ZFAND3: variants seen among roughly 807,000 people sequenced by gnomAD.
ZFAND3 encodes the protein AN1-type zinc finger protein 3.
In ZFAND3, 10 loss-of-function variants were observed where a neutral mutation model predicts 29.6. That is an observed-to-expected ratio of 0.34 (90% CI 0.21 to 0.57). The LOEUF is 0.57. ZFAND3 is among the 20% of genes least tolerant of loss of function. ZFAND3 has a pLI of 0.86. For missense variants in ZFAND3, 230 were observed against 304.5 expected (o/e 0.76, Z 1.82); for synonymous variants, 128 against 112.6 (o/e 1.14, Z -0.87).
chr6:37,874,324 TGA>T (rs1334110981), intron 1 of ZFAND3, among the ~76,000 whole-genome samples: 5 of 152,204 alleles, frequency 3.3e-5, no homozygotes, highest in Non-Finnish European at 7.4e-5. Context: ...GAGAACAGCC[TGA>T]TCAACACGGA....
At chr6:38,079,173 A>G (rs1166321675) in intron 3 of ZFAND3, among the ~76,000 whole-genome samples, 1 of 152,174 alleles carries the variant, frequency 6.6e-6, no homozygotes, top group Non-Finnish European at 1.5e-5. Context: ...AGTGTTTCAT[A>G]GGTTGTAGTT....
In ZFAND3 at chr6:38,047,968, TTTTTG is replaced by T. The variant is rs1450178174; in HGVS notation, c.113-13620_113-13616del. 1.7e-3 allele frequency among the ~76,000 whole-genome samples: 224 copies of T among 131,830 alleles called. 1 individual carries two copies. The highest frequency in any genetic ancestry group is 5.5e-3 in the African/African-American group (207 of 37,882). The allele number at this position is 131,830 out of a possible 152,430, so 86.5% of individuals were successfully genotyped here. A position where few individuals can be genotyped will look rare whatever the true frequency, so the allele number is the denominator to read the frequency against. On this transcript the variant is annotated intron_variant, in intron 2 of 5. Coordinates refer to ENST00000287218, the MANE Select transcript of ZFAND3 (RefSeq NM_021943.3). ...GTTCCAGACCTAGGTTTTTGGGTTT[TTTTTG>T]TTTTTTTTTTTTTTACTTTTTGTGT...
chr6:38,121,234 G>A (rs1445442318), intron 5 of ZFAND3, among the ~76,000 whole-genome samples: 2 of 152,210 alleles, frequency 1.3e-5, no homozygotes, highest in Non-Finnish European at 2.9e-5. Context: ...ATTATTGCCA[G>A]GCAAGATGGT....
At chr6:37,842,556 T>C (rs938490130) in intron 1 of ZFAND3, among the ~76,000 whole-genome samples, 6 of 152,222 alleles carry the variant, frequency 3.9e-5, no homozygotes, top group East Asian at 1.9e-4. Flanking sequence ...CCAGTTTCTC[T>C]ATTCTCCTGT....
At chr6:38,143,971 C>G (rs1313090318) in intron 5 of ZFAND3, among the ~76,000 whole-genome samples, 1 of 151,764 alleles carries the variant, frequency 6.6e-6, no homozygotes, top group South Asian at 2.1e-4. Context: ...CATTTCTGTG[C>G]TACAAATTCT....
chr6:38,129,220 A>G (rs1765696348), intron 5 of ZFAND3, among the ~76,000 whole-genome samples: 1 of 152,140 alleles, frequency 6.6e-6, no homozygotes, highest in Admixed American at 6.5e-5. Context: ...GATTCTGGAT[A>G]TTAGTCCTTT....
chr6:38,151,387 C>A (rs1436224535), intron 5 of ZFAND3, among the ~76,000 whole-genome samples: 1 of 152,076 alleles, frequency 6.6e-6, no homozygotes, highest in Admixed American at 6.6e-5. Context: ...CAGCTGGAGG[C>A]CTGAGTGTGG....
intron 1 of ZFAND3, among the ~76,000 whole-genome samples, chr6:37,887,414 TAAAAG>T (rs1301198914): frequency 6.6e-6 from 1 of 152,190 alleles, no homozygotes; most frequent in East Asian, 1.9e-4. Flanking sequence ...TCAAAATTAT[TAAAAG>T]AAATATATTT....
chr6:38,124,474 C>T (rs902478171), intron 5 of ZFAND3, among the ~76,000 whole-genome samples: 1 of 152,184 alleles, frequency 6.6e-6, no homozygotes, highest in Non-Finnish European at 1.5e-5. Context: ...GTCCTGAGCC[C>T]TGCCCTGCCG....
At chr6:38,095,770 C>A (rs1764965385) in intron 4 of ZFAND3, among the ~76,000 whole-genome samples, 1 of 152,162 alleles carries the variant, frequency 6.6e-6, no homozygotes, top group African/African-American at 2.4e-5. Flanking sequence ...GTGGCTCATA[C>A]CTGTAATTCC....
chr6:37,943,479 C>T (rs1003748126), intron 2 of ZFAND3, among the ~76,000 whole-genome samples: 8 of 152,056 alleles, frequency 5.3e-5, no homozygotes, highest in African/African-American at 1.9e-4. Flanking sequence ...CAGTGTTTTC[C>T]TTAACTCATA....
intron 4 of ZFAND3, among the ~76,000 whole-genome samples, chr6:38,091,846 A>T (rs182470960): frequency 6.6e-5 from 10 of 151,628 alleles, no homozygotes; most frequent in African/African-American, 2.4e-4. Context: ...CTCATCAGCA[A>T]TTATAAACAG....
At chr6:37,900,362 G>A (rs989654272) in intron 1 of ZFAND3, among the ~76,000 whole-genome samples, 1 of 152,044 alleles carries the variant, frequency 6.6e-6, no homozygotes, top group Non-Finnish European at 1.5e-5. Flanking sequence ...TACTCTCTTG[G>A]AATAGGCTTG....
chr6:38,000,628 T>C (rs569101001), intron 2 of ZFAND3, among the ~76,000 whole-genome samples: 50 of 152,302 alleles, frequency 3.3e-4, no homozygotes, highest in African/African-American at 1.1e-3. Flanking sequence ...CCTGCCCCCA[T>C]GATTCAGTTA....
At chr6:37,822,091 T>C (rs1239210852) in intron 1 of ZFAND3, among the ~76,000 whole-genome samples, 1 of 152,196 alleles carries the variant, frequency 6.6e-6, no homozygotes, top group Non-Finnish European at 1.5e-5. Flanking sequence ...TGCCTTGGAC[T>C]CCCAAAGTGC....
intron 1 of ZFAND3, among the ~76,000 whole-genome samples, chr6:37,821,649 A>G (rs1288397139): frequency 6.6e-6 from 1 of 152,196 alleles, no homozygotes; most frequent in Non-Finnish European, 1.5e-5. Context: ...CTCAGATTGT[A>G]ACTCATTGTA....
intron 2 of ZFAND3, among the ~76,000 whole-genome samples, chr6:37,986,655 TATTTTCGC>T (rs980438786): frequency 6.6e-6 from 1 of 152,236 alleles, no homozygotes; most frequent in African/African-American, 2.4e-5. Flanking sequence ...TTTATGTATT[TATTTTCGC>T]ATTTTCGCAG....
At chr6:38,106,528 A>C (rs893567261) in intron 4 of ZFAND3, among the ~76,000 whole-genome samples, 1 of 152,244 alleles carries the variant, frequency 6.6e-6, no homozygotes, top group African/African-American at 2.4e-5. Flanking sequence ...TCATCTGTCT[A>C]CATGCCTGGA....
intron 2 of ZFAND3, among the ~76,000 whole-genome samples, chr6:37,999,660 C>G (rs778337102): frequency 6.6e-6 from 1 of 152,156 alleles, no homozygotes; most frequent in Non-Finnish European, 1.5e-5. Context: ...AATACCTGAC[C>G]AGTACTCTTG....
Sources: gnomAD v4.1 joint callset for allele counts (sites outside exome capture counted in the v4.1 genomes callset) on GRCh38, gnomAD v4.1.1 for gene constraint, MANE v1.5 for transcripts, NCBI Gene and HGNC (gene_info 2026-07-23, HGNC 2026-07-21) for gene names.